The following NRCAM variants were observed in gnomAD, a reference collection of about 807,000 sequenced individuals.
NRCAM encodes neuronal cell adhesion molecule.
A neutral mutation model predicts 156.5 loss-of-function variants in NRCAM; 83 were observed. That is an observed-to-expected ratio of 0.53 (90% CI 0.44 to 0.64). NRCAM has a LOEUF of 0.64. NRCAM is among the 30% of genes least tolerant of loss of function. NRCAM has a pLI of 0.00. For synonymous variants in NRCAM, 538 were observed against 563.9 expected (o/e 0.95, Z 0.65); for missense variants, 1,417 against 1,597.3 (o/e 0.89, Z 1.92).
intron 32 of NRCAM, among the ~76,000 whole-genome samples, chr7:108,155,240 T>G (rs1013909355): frequency 6.6e-5 from 10 of 151,612 alleles, no homozygotes; most frequent in African/African-American, 2.4e-4. Flanking sequence ...CACATTTTAA[T>G]GAGAAAGTTT....
chr7:108,439,832 CA>C (rs34432715), intron 1 of NRCAM, among the ~76,000 whole-genome samples: 5,767 of 69,772 alleles, frequency 0.083, 40 homozygotes, highest in Middle Eastern at 0.13. Flanking sequence ...GACTCCGTCA[CA>C]AAAAAAAAAA....
intron 2 of NRCAM, among the ~76,000 whole-genome samples, chr7:108,346,312 T>C (rs917778610): frequency 1.3e-5 from 2 of 152,226 alleles, no homozygotes; most frequent in Non-Finnish European, 2.9e-5. Flanking sequence ...ACTAAAATTA[T>C]TTGAGTCTCC....
intron 32 of NRCAM, among the ~76,000 whole-genome samples, chr7:108,153,826 A>G (rs1227354950): frequency 6.6e-6 from 1 of 152,194 alleles, no homozygotes; most frequent in Non-Finnish European, 1.5e-5. Context: ...TATTCCATTT[A>G]TGAGACCATA....
rs188793473 is a variant in NRCAM at position 108,391,914 on chromosome 7, T to A, written c.-174+7522A>T. 2.3e-3 allele frequency among the ~76,000 whole-genome samples: 345 copies of A among 152,366 alleles called. 2 individuals are homozygous for A. Among genetic ancestry groups the A allele is most frequent in the Non-Finnish European group, 2.4e-3 (160 of 68,036 alleles). ...GTTGAATATTGGCCCCACTCTCTTC[T>A]GGCTTGCAGAGTTTCTGCCGAGAGA... On this transcript the variant is annotated intron_variant, in intron 2 of 32. Coordinates refer to ENST00000379028, the MANE Select transcript of NRCAM (RefSeq NM_001037132.4).
At chr7:108,264,636 C>T (rs2154013074) in intron 3 of NRCAM, among the ~76,000 whole-genome samples, 1 of 152,316 alleles carries the variant, frequency 6.6e-6, no homozygotes, top group East Asian at 1.9e-4. Flanking sequence ...CTTTATTAGT[C>T]TCCTAATGGC....
chr7:108,226,518 A>C, intron 8 of NRCAM, 140 bp from the exon 9 acceptor site: 1 of 459,960 alleles, frequency 2.2e-6, no homozygotes, highest in Non-Finnish European at 3.6e-6. Flanking sequence ...TTTGGGTAAA[A>C]GCAAATAACT....
intron 3 of NRCAM, among the ~76,000 whole-genome samples, chr7:108,292,701 C>T (rs1157696811): frequency 2.0e-5 from 3 of 152,112 alleles, no homozygotes; most frequent in African/African-American, 7.2e-5. Flanking sequence ...TCAATTTCCT[C>T]ATCTGTAAAA....
rs1277804517 is a variant in NRCAM at position 108,156,293 on chromosome 7, A to G, written c.3677+3170T>C. On this transcript the variant is annotated intron_variant, in intron 32 of 32. Transcript: ENST00000379028. ...GGCAAGAGCCACCAATTATGTAGTA[A>G]GTTATGAGTTCAAGTAACATGGGCA... 4 of 985,288 alleles carry G rather than the reference A, an allele frequency of 4.1e-6. No individual in the cohort carries two copies. In the African/African-American group the frequency reaches 5.2e-5, roughly 13 times the overall value. 61.0% of individuals were successfully genotyped at this position (985,288 alleles called of 1,614,324 possible). A position where few individuals can be genotyped will look rare whatever the true frequency, so the allele number is the denominator to read the frequency against.
At chr7:108,184,386 G>A (rs756996949) in intron 21 of NRCAM, 31 bp downstream of exon 21, 32 of 1,613,278 alleles carry the variant, frequency 2.0e-5, no homozygotes, top group East Asian at 2.2e-5. Context: ...ATTATATTTC[G>A]TACCCTAGAA....
chr7:108,254,792 C>T (rs1374108306), intron 3 of NRCAM, among the ~76,000 whole-genome samples: 1 of 152,000 alleles, frequency 6.6e-6, no homozygotes, highest in East Asian at 1.9e-4. Context: ...CTTTAGTAAT[C>T]CACCCACCTG....
chr7:108,156,526 T>A, intron 32 of NRCAM: 1 of 449,464 alleles, frequency 2.2e-6, no homozygotes, highest in Non-Finnish European at 2.9e-6. Context: ...GGTGTCAGAG[T>A]AGGGGCACAG....
At chr7:108,398,368 GC>G (rs1019237341) in intron 2 of NRCAM, among the ~76,000 whole-genome samples, 5 of 152,058 alleles carry the variant, frequency 3.3e-5, no homozygotes, top group African/African-American at 1.2e-4. Context: ...GCTGCTTCTA[GC>G]CAAATTCTAA....
chr7:108,244,329 G>A (rs1197435851), intron 3 of NRCAM, among the ~76,000 whole-genome samples: 1 of 152,122 alleles, frequency 6.6e-6, no homozygotes, highest in Non-Finnish European at 1.5e-5. Context: ...TTGCTCTGAT[G>A]CCTCATCAGT....
chr7:108,344,424 C>G (rs2099329141), intron 2 of NRCAM, among the ~76,000 whole-genome samples: 1 of 152,086 alleles, frequency 6.6e-6, no homozygotes, highest in African/African-American at 2.4e-5. Context: ...CTGGCAATGG[C>G]TATGCTCTTC....
chr7:108,452,780 C>T (rs1255758564), intron 1 of NRCAM, among the ~76,000 whole-genome samples: 1 of 152,066 alleles, frequency 6.6e-6, no homozygotes, highest in Non-Finnish European at 1.5e-5. Context: ...TATGGGTTAC[C>T]GAGCTTCTCA....
At chr7:108,212,584 T>C (rs1038595274) in intron 11 of NRCAM, among the ~76,000 whole-genome samples, 1 of 152,042 alleles carries the variant, frequency 6.6e-6, no homozygotes, top group African/African-American at 2.4e-5. Flanking sequence ...TTGGACACAC[T>C]TATAGAAATG....
intron 2 of NRCAM, among the ~76,000 whole-genome samples, chr7:108,397,860 T>C (rs2099781416): frequency 6.6e-6 from 1 of 152,108 alleles, no homozygotes; most frequent in Non-Finnish European, 1.5e-5. Context: ...GGTCACCGTA[T>C]TTGTCTCTAG....
At chr7:108,299,106 A>G (rs1408272146) in intron 3 of NRCAM, among the ~76,000 whole-genome samples, 1 of 9,230 alleles carries the variant, frequency 1.1e-4, no homozygotes, top group South Asian at 0.019. Context: ...ACTCCATCTC[A>G]AAAAAAAAAA....
chr7:108,212,542 T>C (rs1417818470), intron 11 of NRCAM, among the ~76,000 whole-genome samples: 1 of 151,960 alleles, frequency 6.6e-6, no homozygotes, highest in African/African-American at 2.4e-5. Context: ...ATAGACACTA[T>C]AAAGAAAAAA....
Sources: gnomAD v4.1 joint callset for allele counts (sites outside exome capture counted in the v4.1 genomes callset) on GRCh38, gnomAD v4.1.1 for gene constraint, MANE v1.5 for transcripts, NCBI Gene and HGNC (gene_info 2026-07-23, HGNC 2026-07-21) for gene names.